The following CEP63 variants were observed in gnomAD, a reference collection of about 807,000 sequenced individuals.
CEP63 encodes centrosomal protein 63.
In CEP63, 84 loss-of-function variants were observed where a neutral mutation model predicts 89.1. The observed-to-expected ratio is 0.94, with a 90% confidence interval of 0.79 to 1.13. The LOEUF is 1.13. CEP63 is among the 50% of genes most tolerant of loss of function. The probability of loss-of-function intolerance (pLI) is 0.00; values close to 1 mark genes in which losing one functional copy is unlikely to be tolerated. For missense variants in CEP63, 838 were observed against 813.3 expected (o/e 1.03, Z -0.37); for synonymous variants, 267 against 272.5 (o/e 0.98, Z 0.20).
intron 6 of CEP63, among the ~76,000 whole-genome samples, chr3:134,540,923 A>C (rs1397332331): frequency 6.6e-6 from 1 of 152,068 alleles, no homozygotes; most frequent in African/African-American, 2.4e-5. Context: ...CTGGGATTAC[A>C]GGTGCTCACC....
At chr3:134,551,746 TATATATATAC>T (rs1184110845) in intron 11 of CEP63, among the ~76,000 whole-genome samples, 170 bp from the exon 12 acceptor site, 193 of 18,316 alleles carry the variant, frequency 0.011, 2 homozygotes, top group Admixed American at 0.01. Flanking sequence ...TATATATATA[TATATATATAC>T]ACACACACAC....
chr3:134,659,675 C>T, the CEP63 span, among the ~76,000 whole-genome samples: 1 of 152,188 alleles, frequency 6.6e-6, no homozygotes, highest in African/African-American at 2.4e-5. Context: ...GAGAGAGGAC[C>T]TCTCCTGGTG....
chr3:134,537,850 G>A (rs192060601), intron 6 of CEP63, among the ~76,000 whole-genome samples: 2 of 152,172 alleles, frequency 1.3e-5, no homozygotes, highest in Non-Finnish European at 2.9e-5. Flanking sequence ...CATGGCAATG[G>A]TGTGCACACC....
chr3:134,692,508 G>A, the CEP63 span, among the ~76,000 whole-genome samples: 3 of 152,096 alleles, frequency 2.0e-5, no homozygotes, highest in East Asian at 5.8e-4. Flanking sequence ...TCTTATATCT[G>A]CTTTTGTATC....
the CEP63 span, among the ~76,000 whole-genome samples, chr3:134,634,829 T>G: frequency 6.6e-6 from 1 of 152,214 alleles, no homozygotes; most frequent in Admixed American, 6.5e-5. Context: ...TTTGGTTATA[T>G]GTGGGTGGTC....
downstream of CEP63, among the ~76,000 whole-genome samples, chr3:134,579,611 C>A: frequency 6.6e-6 from 1 of 152,148 alleles, no homozygotes; most frequent in East Asian, 1.9e-4. Flanking sequence ...AAACCTTCTG[C>A]GCAGTTTTTA....
the CEP63 span, among the ~76,000 whole-genome samples, chr3:134,642,142 T>C: frequency 6.6e-6 from 1 of 152,182 alleles, no homozygotes; most frequent in Non-Finnish European, 1.5e-5. Flanking sequence ...AGCTCCCCCA[T>C]GCTGGTAATC....
chr3:134,703,000 A>C, the CEP63 span, among the ~76,000 whole-genome samples: 6 of 152,210 alleles, frequency 3.9e-5, no homozygotes, highest in Non-Finnish European at 7.3e-5. Context: ...ACAGTCTATT[A>C]AAAAGATACA....
the CEP63 span, among the ~76,000 whole-genome samples, chr3:134,679,769 C>G: frequency 6.6e-6 from 1 of 152,210 alleles, no homozygotes; most frequent in African/African-American, 2.4e-5. Context: ...GTTACCCAGG[C>G]TGGAGTGCAG....
intron 5 of CEP63, chr3:134,536,796 T>C (rs925167353): frequency 3.1e-6 from 1 of 325,578 alleles, no homozygotes; most frequent in African/African-American, 2.1e-5. Flanking sequence ...GTAATCATAC[T>C]TTAAAATTTT....
At chr3:134,594,688 T>C in the CEP63 span, among the ~76,000 whole-genome samples, 1 of 152,264 alleles carries the variant, frequency 6.6e-6, no homozygotes, top group Non-Finnish European at 1.5e-5. Flanking sequence ...CTATTTAGGA[T>C]GTTGTAACTC....
At chr3:134,565,915 C>G (rs1391386984), downstream of CEP63, among the ~76,000 whole-genome samples, 2 of 152,070 alleles carry the variant, frequency 1.3e-5, no homozygotes, top group South Asian at 2.1e-4. Flanking sequence ...TGCACAGCTC[C>G]CCCCACAGTA....
At chr3:134,663,825 G>C in the CEP63 span, among the ~76,000 whole-genome samples, 2 of 152,220 alleles carry the variant, frequency 1.3e-5, no homozygotes, top group Admixed American at 6.5e-5. Context: ...CCACTGGCCA[G>C]CTCAGCTGTC....
At chr3:134,589,596 A>AAAAC (rs386397971), downstream of CEP63, among the ~76,000 whole-genome samples, 647 of 151,924 alleles carry the variant, frequency 4.3e-3, 4 homozygotes, top group Non-Finnish European at 7.6e-3. Flanking sequence ...TGTCAAAAAA[A>AAAAC]AAACATATTG....
At position 134,562,320 on chromosome 3, in the gene CEP63, G is replaced by GA; in HGVS notation, c.*785_*786insA. 1 of 726,978 alleles carries GA rather than the reference G, an allele frequency of 1.4e-6. No individual in the cohort carries two copies. Among genetic ancestry groups the GA allele is most frequent in the Non-Finnish European group, 1.7e-6 (1 of 593,914 alleles). 45.0% of individuals were successfully genotyped at this position (726,978 alleles called of 1,614,324 possible). ...ACCAGGGAGGCTGTGGAGAGAGAGA[G>GA]GAGCAGGAGGCTGGGTTTGGGGCCC... On this transcript the variant is annotated 3_prime_UTR_variant, in exon 15 of 15. Transcript: ENST00000675561.
downstream of CEP63, among the ~76,000 whole-genome samples, chr3:134,566,090 C>T (rs755657740): frequency 2.6e-5 from 4 of 151,702 alleles, no homozygotes; most frequent in East Asian, 5.8e-4. Flanking sequence ...GCTATTTCTC[C>T]GCAGTGCAAT....
chr3:134,679,367 T>C, the CEP63 span, among the ~76,000 whole-genome samples: 1 of 152,186 alleles, frequency 6.6e-6, no homozygotes, highest in Non-Finnish European at 1.5e-5. Flanking sequence ...CCTTGCTTGA[T>C]GTAAGCATCT....
chr3:134,687,519 G>A, the CEP63 span, among the ~76,000 whole-genome samples: 2 of 152,116 alleles, frequency 1.3e-5, no homozygotes, highest in African/African-American at 4.8e-5. Flanking sequence ...CTCACCCCCA[G>A]GGTGCCTGCT....
intron 14 of CEP63, among the ~76,000 whole-genome samples, chr3:134,560,663 T>TA (rs1208091794): frequency 5.9e-5 from 9 of 151,990 alleles, no homozygotes; most frequent in Non-Finnish European, 1.0e-4. Context: ...TCATGTGAAA[T>TA]AAAAAATACA....
Sources: allele counts gnomAD v4.1 joint callset (sites outside exome capture counted in the v4.1 genomes callset), GRCh38; gene constraint gnomAD v4.1.1; transcripts MANE v1.5; gene names NCBI Gene and HGNC (gene_info 2026-07-23, HGNC 2026-07-21).